KIAA1217: variants seen among roughly 807,000 people sequenced by gnomAD.
The protein encoded by KIAA1217 is sickle tail protein homolog.
Under a neutral mutation model 163.9 loss-of-function variants are expected in KIAA1217, and 88 were observed. The ratio of observed to expected loss-of-function variants is 0.54; its 90% CI spans 0.45 to 0.64. The LOEUF is 0.64. Ranked by LOEUF, KIAA1217 falls within the 30% of genes least tolerant of loss-of-function variation. The probability of loss-of-function intolerance (pLI) is 0.00; values close to 1 mark genes in which losing one functional copy is unlikely to be tolerated. For missense variants in KIAA1217, 2,372 were observed against 2,475.0 expected (o/e 0.96, Z 0.88); for synonymous variants, 903 against 923.1 (o/e 0.98, Z 0.39).
At chr10:24,403,398 C>T (rs1194266429) in intron 3 of KIAA1217, among the ~76,000 whole-genome samples, 1 of 152,118 alleles carries the variant, frequency 6.6e-6, no homozygotes. Context: ...GCCACCACAC[C>T]TTGCTAATTT....
At chr10:23,865,680 A>G (rs941684434) in intron 1 of KIAA1217, among the ~76,000 whole-genome samples, 5 of 152,096 alleles carry the variant, frequency 3.3e-5, no homozygotes, top group African/African-American at 1.2e-4. Context: ...TAACGTTTAA[A>G]TCTTAATTTA....
chr10:23,759,349 T>G (rs372081228), intron 1 of KIAA1217, among the ~76,000 whole-genome samples: 38 of 152,336 alleles, frequency 2.5e-4, no homozygotes, highest in African/African-American at 9.1e-4. Flanking sequence ...ACATGCCATA[T>G]GTGAACAGAG....
At chr10:23,760,119 GCA>G (rs1299526635) in intron 1 of KIAA1217, among the ~76,000 whole-genome samples, 2 of 152,184 alleles carry the variant, frequency 1.3e-5, no homozygotes. Flanking sequence ...CACATAGTTG[GCA>G]CATGCAGGTT....
chr10:23,869,039 G>A (rs1347696954), intron 1 of KIAA1217, among the ~76,000 whole-genome samples: 1 of 146,808 alleles, frequency 6.8e-6, no homozygotes, highest in Non-Finnish European at 1.5e-5. Context: ...TTTTGTCTAA[G>A]CAATGCTAAG....
chr10:24,069,273 G>T (rs186355100), intron 2 of KIAA1217, among the ~76,000 whole-genome samples: 11 of 152,288 alleles, frequency 7.2e-5, no homozygotes, highest in African/African-American at 2.6e-4. Flanking sequence ...TCGACATGTG[G>T]TTCAACTCTT....
At chr10:23,807,352 G>T (rs1836789222) in intron 1 of KIAA1217, among the ~76,000 whole-genome samples, 1 of 152,232 alleles carries the variant, frequency 6.6e-6, no homozygotes. Flanking sequence ...ATTATAAATA[G>T]AAATAGGACC....
At chr10:23,970,043 G>A (rs965745042) in intron 1 of KIAA1217, among the ~76,000 whole-genome samples, 16 of 152,202 alleles carry the variant, frequency 1.1e-4, no homozygotes, top group East Asian at 1.9e-4. Context: ...AACTGCCCCC[G>A]TGATTCGATT....
chr10:24,282,247 AT>A (rs1430530033), intron 2 of KIAA1217, among the ~76,000 whole-genome samples: 10 of 151,938 alleles, frequency 6.6e-5, no homozygotes, highest in Admixed American at 6.6e-5. Context: ...TATATGATTT[AT>A]TGCTATAAAT....
At chr10:24,539,607 T>G (rs955077100) in intron 17 of KIAA1217, among the ~76,000 whole-genome samples, 1 of 152,192 alleles carries the variant, frequency 6.6e-6, no homozygotes, top group South Asian at 2.1e-4. Context: ...TTTATCTCAG[T>G]TGAGGATCCA....
intron 1 of KIAA1217, among the ~76,000 whole-genome samples, chr10:23,985,376 T>A (rs1200705711): frequency 2.1e-5 from 3 of 143,864 alleles, no homozygotes; most frequent in Non-Finnish European, 3.1e-5. Context: ...TTGTAATACT[T>A]TGCCAGAGGA....
intron 1 of KIAA1217, among the ~76,000 whole-genome samples, chr10:24,003,057 G>A (rs946237641): frequency 2.0e-5 from 3 of 152,164 alleles, no homozygotes; most frequent in Non-Finnish European, 4.4e-5. Flanking sequence ...ACTAGGTGAT[G>A]GGCACTTCTG....
intron 2 of KIAA1217, among the ~76,000 whole-genome samples, chr10:24,191,907 C>T (rs2066738919): frequency 6.6e-6 from 1 of 152,198 alleles, no homozygotes; most frequent in African/African-American, 2.4e-5. Context: ...GTGTGCACCA[C>T]CACACCTGGC....
chr10:24,004,811 G>A (rs1012691167), intron 1 of KIAA1217, among the ~76,000 whole-genome samples: 20 of 152,236 alleles, frequency 1.3e-4, no homozygotes, highest in Non-Finnish European at 2.8e-4. Flanking sequence ...TTTGGAGGAA[G>A]AAGAGCAGAA....
At chr10:24,003,012 A>G (rs1171491820) in intron 1 of KIAA1217, among the ~76,000 whole-genome samples, 1 of 152,222 alleles carries the variant, frequency 6.6e-6, no homozygotes, top group African/African-American at 2.4e-5. Context: ...TTAGTATTCC[A>G]TGGTGTATAT....
intron 2 of KIAA1217, among the ~76,000 whole-genome samples, chr10:24,112,330 A>G (rs2062879160): frequency 6.6e-6 from 1 of 152,184 alleles, no homozygotes; most frequent in African/African-American, 2.4e-5. Context: ...TGGTTCAACC[A>G]CCCAGGAACA....
chr10:24,445,060 T>C (rs1052929459), intron 5 of KIAA1217, among the ~76,000 whole-genome samples: 1 of 152,252 alleles, frequency 6.6e-6, no homozygotes, highest in Non-Finnish European at 1.5e-5. Context: ...AGATAGAAGA[T>C]AGCAAACCTT....
At chr10:24,271,041 G>A (rs1475502198) in intron 2 of KIAA1217, among the ~76,000 whole-genome samples, 1 of 152,182 alleles carries the variant, frequency 6.6e-6, no homozygotes, top group Non-Finnish European at 1.5e-5. Context: ...GAAAATGATT[G>A]AGGTTCAGTG....
rs557488472 is a variant in KIAA1217 at position 24,089,541 on chromosome 10, A to G, written c.-171+82167A>G. On this transcript the variant is annotated intron_variant, in intron 2 of 18. Coordinates refer to the KIAA1217 transcript ENST00000376462. ...CTAGCCAGTTTTCCTGGCACCATTT[A>G]TTAAATAGGGAATCCTTTCCCCATT... Among the ~76,000 whole-genome samples, 114 of 150,316 alleles carry G rather than the reference A, an allele frequency of 7.6e-4. 2 individuals are homozygous for G. The highest frequency in any genetic ancestry group is 2.6e-3 in the African/African-American group (106 of 41,070).
chr10:23,883,001 T>C (rs1430315502), intron 1 of KIAA1217, among the ~76,000 whole-genome samples: 1 of 151,932 alleles, frequency 6.6e-6, no homozygotes, highest in Non-Finnish European at 1.5e-5. Flanking sequence ...ATAAATTATA[T>C]CTCTCTTTTA....
Sources: gnomAD v4.1 joint callset for allele counts (sites outside exome capture counted in the v4.1 genomes callset) on GRCh38, gnomAD v4.1.1 for gene constraint, MANE v1.5 for transcripts, NCBI Gene and HGNC (gene_info 2026-07-23, HGNC 2026-07-21) for gene names.